Variants in NPAS3 observed in about 807,000 individuals in gnomAD.
NPAS3 encodes the protein neuronal PAS domain-containing protein 3.
NPAS3 carries 14 observed loss-of-function variants against 73.1 expected under a neutral mutation model. That is an observed-to-expected ratio of 0.19 (90% CI 0.13 to 0.30). NPAS3 has a LOEUF of 0.30. NPAS3 is among the 10% of genes least tolerant of loss of function. The pLI is 1.00. For missense variants in NPAS3, 1,096 were observed against 1,250.0 expected, an observed-to-expected ratio of 0.88 and a Z score of 1.86; for synonymous variants, 620 against 541.5, an observed-to-expected ratio of 1.14 and a Z score of -2.01.
At chr14:33,263,428 G>A (rs2049048467) in intron 3 of NPAS3, among the ~76,000 whole-genome samples, 1 of 152,162 alleles carries the variant, frequency 6.6e-6, no homozygotes, top group African/African-American at 2.4e-5. Context: ...TCAGATAGTT[G>A]TAGATGTGTG....
chr14:32,951,926 G>A (rs76573629), intron 1 of NPAS3, among the ~76,000 whole-genome samples: 1,914 of 152,058 alleles, frequency 0.013, 38 homozygotes, highest in African/African-American at 0.044. Flanking sequence ...GAAGATTTAC[G>A]AGTGGATAAG....
chr14:33,063,044 G>T (rs912302930), intron 2 of NPAS3, among the ~76,000 whole-genome samples: 1 of 152,178 alleles, frequency 6.6e-6, no homozygotes, highest in Non-Finnish European at 1.5e-5. Flanking sequence ...TCTTGGAAAT[G>T]GATCTGGCTT....
chr14:33,560,287 A>G, intron 5 of NPAS3, 77 bp downstream of exon 5: 2 of 726,754 alleles, frequency 2.8e-6, no homozygotes, highest in Non-Finnish European at 5.0e-6. Flanking sequence ...TCTTCAAGGA[A>G]TATTCTGTTT....
chr14:33,186,082 A>C (rs1369800411), intron 2 of NPAS3, among the ~76,000 whole-genome samples: 3 of 152,178 alleles, frequency 2.0e-5, no homozygotes, highest in Non-Finnish European at 4.4e-5. Context: ...TGATTTCTGC[A>C]AAAAGACAAG....
chr14:33,079,325 C>CTTTTTTTTTTTTTTTTTTTTTT lies in NPAS3; in HGVS notation c.140+23342_140+23343insTTTTTTTTTTTTTTTTTTTTTT, dbSNP rs772885846. 1.5e-5 allele frequency among the ~76,000 whole-genome samples: 2 copies of CTTTTTTTTTTTTTTTTTTTTTT among 132,298 alleles called. 1 individual carries two copies. Among genetic ancestry groups the CTTTTTTTTTTTTTTTTTTTTTT allele is most frequent in the African/African-American group, 5.8e-5 (2 of 34,356 alleles). The allele number at this position is 132,298 out of a possible 152,430, so 86.8% of individuals were successfully genotyped here. A position where few individuals can be genotyped will look rare whatever the true frequency, so the allele number is the denominator to read the frequency against. On this transcript the variant is annotated intron_variant, in intron 2 of 11. Transcript: ENST00000356141. Reference sequence around the variant, plus strand: ...ACTTGATTTGTACTTTTTCTTTTTCCTTTTTTTTTTTGAGACAGAGTCTTG... The same window carrying CTTTTTTTTTTTTTTTTTTTTTT: ...ACTTGATTTGTACTTTTTCTTTTTCCTTTTTTTTTTTTTTTTTTTTTTTTTTTTTTTTTGAGACAGAGTCTTG...
At chr14:33,334,267 G>A (rs1484378263) in intron 3 of NPAS3, among the ~76,000 whole-genome samples, 1 of 152,080 alleles carries the variant, frequency 6.6e-6, no homozygotes, top group African/African-American at 2.4e-5. Context: ...GATTATAAGT[G>A]TATGGTTAGA....
intron 2 of NPAS3, among the ~76,000 whole-genome samples, chr14:33,093,552 A>T (rs572053116): frequency 8.6e-4 from 131 of 152,306 alleles, no homozygotes; most frequent in Non-Finnish European, 1.3e-3. Flanking sequence ...ATTGTGGAAG[A>T]CAGTGCGGCG....
At chr14:33,342,245 C>T (rs2044521747) in intron 3 of NPAS3, among the ~76,000 whole-genome samples, 1 of 152,146 alleles carries the variant, frequency 6.6e-6, no homozygotes, top group Non-Finnish European at 1.5e-5. Context: ...TGTGAATTGC[C>T]CAGGAACAGT....
intron 4 of NPAS3, among the ~76,000 whole-genome samples, chr14:33,441,959 G>A (rs987284227): frequency 3.4e-4 from 51 of 152,100 alleles, no homozygotes; most frequent in Admixed American, 2.2e-3. Context: ...TGGGAATCAC[G>A]AAAGCTACAA....
chr14:33,042,273 T>C (rs1315838247), intron 1 of NPAS3, among the ~76,000 whole-genome samples: 1 of 152,114 alleles, frequency 6.6e-6, no homozygotes, highest in East Asian at 1.9e-4. Flanking sequence ...TCCTAAGTTA[T>C]TAGAAATCAC....
intron 3 of NPAS3, among the ~76,000 whole-genome samples, chr14:33,250,406 C>T (rs2048539367): frequency 6.6e-6 from 1 of 151,926 alleles, no homozygotes; most frequent in Admixed American, 6.6e-5. Context: ...TCCAATTTGC[C>T]AGCAATAAAG....
intron 1 of NPAS3, among the ~76,000 whole-genome samples, chr14:33,008,133 G>T (rs867904168): frequency 6.6e-6 from 1 of 152,086 alleles, no homozygotes; most frequent in Non-Finnish European, 1.5e-5. Context: ...CACCAGCAGA[G>T]ATTATTACTG....
chr14:32,988,538 A>G (rs1001103314), intron 1 of NPAS3, among the ~76,000 whole-genome samples: 1 of 152,238 alleles, frequency 6.6e-6, no homozygotes, highest in African/African-American at 2.4e-5. Flanking sequence ...CAAGCTTTCA[A>G]CTGGTCTGTT....
intron 4 of NPAS3, among the ~76,000 whole-genome samples, chr14:33,493,682 T>TAAAAACC (rs1362557182): frequency 6.6e-6 from 1 of 152,124 alleles, no homozygotes; most frequent in Non-Finnish European, 1.5e-5. Context: ...TCCCTGTGAC[T>TAAAAACC]AAAAACCAGC....
chr14:33,612,235 C>T (rs2057773063), intron 5 of NPAS3, among the ~76,000 whole-genome samples: 1 of 152,318 alleles, frequency 6.6e-6, no homozygotes, highest in South Asian at 2.1e-4. Flanking sequence ...AAAAACAGCT[C>T]TTGTTGAATC....
At chr14:33,684,229 T>TTG (rs895530824) in intron 6 of NPAS3, among the ~76,000 whole-genome samples, 1 of 149,714 alleles carries the variant, frequency 6.7e-6, no homozygotes, top group Non-Finnish European at 1.5e-5. Flanking sequence ...TGCTGTGGGT[T>TTG]TTTTTTTTTT....
At chr14:33,776,801 G>C (rs2062835501) in intron 8 of NPAS3, among the ~76,000 whole-genome samples, 1 of 152,074 alleles carries the variant, frequency 6.6e-6, no homozygotes, top group South Asian at 2.1e-4. Context: ...GTGCCATCAG[G>C]ATTCTGATCC....
chr14:33,773,090 A>G (rs1236012980), intron 7 of NPAS3, among the ~76,000 whole-genome samples: 1 of 152,186 alleles, frequency 6.6e-6, no homozygotes, highest in Admixed American at 6.5e-5. Flanking sequence ...TAAAAGAAAC[A>G]AAAATAAAAT....
chr14:33,622,975 C>A lies in NPAS3; in HGVS notation c.559-53236C>A, dbSNP rs187744654. On this transcript the variant is annotated intron_variant, in intron 5 of 11. Transcript: ENST00000356141. ...GTAAACCTTCAGATTCTTTTATTAT[C>A]CTGACTACCACTTCACACTACTGCA... Among the ~76,000 whole-genome samples the A allele has an allele frequency of 7.6e-3, 1,154 of 152,200 alleles. 17 individuals are homozygous for A. Among genetic ancestry groups the A allele is most frequent in the African/African-American group, 0.026 (1,066 of 41,502 alleles).
Sources: gnomAD v4.1 joint callset for allele counts (sites outside exome capture counted in the v4.1 genomes callset) on GRCh38, gnomAD v4.1.1 for gene constraint, MANE v1.5 for transcripts, NCBI Gene and HGNC (gene_info 2026-07-23, HGNC 2026-07-21) for gene names.